The following PTPRK variants were observed in gnomAD, a reference collection of about 807,000 sequenced individuals.
The protein encoded by PTPRK is receptor-type tyrosine-protein phosphatase kappa.
In PTPRK, 75 loss-of-function variants were observed where a neutral mutation model predicts 178.0. The observed-to-expected ratio is 0.42, with a 90% CI of 0.35 to 0.51. The LOEUF (loss-of-function observed/expected upper bound fraction) is 0.51. Among genes scored for constraint, PTPRK ranks in the 20% least tolerant of loss-of-function variants. The pLI, the probability that PTPRK is intolerant of heterozygous loss-of-function variation, is 0.02. For missense variants in PTPRK, 1,441 were observed against 1,797.8 expected, an observed-to-expected ratio of 0.80 and a Z score of 3.59; for synonymous variants, 637 against 620.6, an observed-to-expected ratio of 1.03 and a Z score of -0.39.
chr6:128,177,821 T>C (rs898325159), intron 7 of PTPRK, among the ~76,000 whole-genome samples: 3 of 151,824 alleles, frequency 2.0e-5, no homozygotes, highest in African/African-American at 7.2e-5. Context: ...TATAAGTCAG[T>C]CTGTCTCTGT....
At chr6:128,006,165 A>G in intron 14 of PTPRK, 2 of 737,132 alleles carry the variant, frequency 2.7e-6, no homozygotes, top group South Asian at 6.1e-5. Context: ...ATAAAATAAA[A>G]TAAAATAAAA....
Position 128,184,421 on chromosome 6 carries a change from C to T in PTPRK, c.1162+11G>A. On this transcript the variant is annotated intron_variant, in intron 7 of 29. Coordinates refer to ENST00000368226, the MANE Select transcript of PTPRK (RefSeq NM_002844.4). ...TTCACAAGGTAGAAAAGGTCTGCTACTCAGTCTTACCTGCACATTTTGTTC... is the reference window on the plus strand; with the variant it reads ...TTCACAAGGTAGAAAAGGTCTGCTATTCAGTCTTACCTGCACATTTTGTTC... The T allele has an allele frequency of 6.2e-7, 1 of 1,611,342 alleles. No homozygotes were observed. Among genetic ancestry groups the T allele is most frequent in the Non-Finnish European group, 8.5e-7 (1 of 1,178,274 alleles).
chr6:128,468,025 C>G (rs976832168), intron 1 of PTPRK, among the ~76,000 whole-genome samples: 11 of 152,202 alleles, frequency 7.2e-5, no homozygotes, highest in African/African-American at 2.4e-4. Flanking sequence ...TAATTGATTT[C>G]TTGACTTGAG....
intron 6 of PTPRK, among the ~76,000 whole-genome samples, chr6:128,199,108 G>A (rs147518255): frequency 3.9e-5 from 6 of 152,140 alleles, no homozygotes; most frequent in African/African-American, 1.4e-4. Context: ...TAGCAATTCC[G>A]CTTTCAGGTA....
chr6:128,222,606 C>T (rs1810618966), intron 5 of PTPRK, among the ~76,000 whole-genome samples: 1 of 152,136 alleles, frequency 6.6e-6, no homozygotes, highest in African/African-American at 2.4e-5. Flanking sequence ...TCATAACAGC[C>T]CGTGCAATTC....
At chr6:128,452,749 G>C (rs188715312) in intron 1 of PTPRK, among the ~76,000 whole-genome samples, 1 of 152,248 alleles carries the variant, frequency 6.6e-6, no homozygotes, top group Admixed American at 6.5e-5. Context: ...TTCATATTGA[G>C]GTAATTAATT....
intron 13 of PTPRK, among the ~76,000 whole-genome samples, chr6:128,010,132 A>T (rs1225495322): frequency 6.6e-6 from 1 of 151,344 alleles, no homozygotes; most frequent in Non-Finnish European, 1.5e-5. Flanking sequence ...GCTTACAAAG[A>T]TAAGGATAGT....
intron 2 of PTPRK, among the ~76,000 whole-genome samples, chr6:128,359,956 A>G (rs888203507): frequency 6.6e-6 from 1 of 152,102 alleles, no homozygotes; most frequent in Admixed American, 6.6e-5. Context: ...AGCATTTTCC[A>G]CTGTATTAGT....
chr6:128,275,948 C>G (rs1303408825), intron 3 of PTPRK, among the ~76,000 whole-genome samples: 1 of 151,856 alleles, frequency 6.6e-6, no homozygotes, highest in African/African-American at 2.4e-5. Flanking sequence ...CCAACCATGC[C>G]TTTTAAATGG....
chr6:128,174,637 C>T (rs1800794108), intron 7 of PTPRK, among the ~76,000 whole-genome samples: 1 of 151,616 alleles, frequency 6.6e-6, no homozygotes, highest in Non-Finnish European at 1.5e-5. Flanking sequence ...TAGTACATGC[C>T]CAAATAGCTC....
intron 25 of PTPRK, among the ~76,000 whole-genome samples, chr6:127,980,200 C>T (rs1775139788): frequency 1.3e-5 from 2 of 152,202 alleles, no homozygotes; most frequent in Admixed American, 6.5e-5. Context: ...GTCCCAGCTA[C>T]TTGGGAGGCA....
At chr6:128,275,511 G>C (rs1461877065) in intron 3 of PTPRK, among the ~76,000 whole-genome samples, 2 of 152,002 alleles carry the variant, frequency 1.3e-5, no homozygotes, top group Non-Finnish European at 2.9e-5. Context: ...AAAGAAAAAA[G>C]AGCTAATCAA....
chr6:128,018,430 T>C (rs1234891338), intron 13 of PTPRK, among the ~76,000 whole-genome samples: 1 of 152,024 alleles, frequency 6.6e-6, no homozygotes, highest in African/African-American at 2.4e-5. Flanking sequence ...ATAGCATCAG[T>C]TGGTAAAGAG....
intron 1 of PTPRK, among the ~76,000 whole-genome samples, chr6:128,447,237 T>C (rs1480909820): frequency 6.6e-6 from 1 of 152,232 alleles, no homozygotes; most frequent in Admixed American, 6.5e-5. Context: ...CTACCTGACC[T>C]GTGAAATAAG....
intron 6 of PTPRK, among the ~76,000 whole-genome samples, chr6:128,206,968 A>G (rs1324520551): frequency 6.6e-6 from 1 of 152,166 alleles, no homozygotes; most frequent in African/African-American, 2.4e-5. Flanking sequence ...TAAATTTACA[A>G]TGTGAAGGAG....
At chr6:128,370,267 C>T (rs1836084582) in intron 2 of PTPRK, among the ~76,000 whole-genome samples, 1 of 152,072 alleles carries the variant, frequency 6.6e-6, no homozygotes, top group Admixed American at 6.6e-5. Flanking sequence ...CCAGGGCATC[C>T]CTGTTATTGA....
At chr6:128,377,996 A>G (rs1479973129) in intron 2 of PTPRK, among the ~76,000 whole-genome samples, 1 of 152,150 alleles carries the variant, frequency 6.6e-6, no homozygotes, top group Non-Finnish European at 1.5e-5. Flanking sequence ...GTCAAGAATT[A>G]TATTTCAGAA....
At chr6:128,342,455 G>A (rs1831797951) in intron 2 of PTPRK, among the ~76,000 whole-genome samples, 1 of 152,044 alleles carries the variant, frequency 6.6e-6, no homozygotes, top group African/African-American at 2.4e-5. Flanking sequence ...AATTATGAAT[G>A]GAGATGGTCA....
At chr6:128,431,155 C>G (rs958757741) in intron 1 of PTPRK, among the ~76,000 whole-genome samples, 1 of 151,968 alleles carries the variant, frequency 6.6e-6, no homozygotes, top group Non-Finnish European at 1.5e-5. Context: ...CCAGTCTGGT[C>G]TCTAACTCCA....
Sources: allele counts gnomAD v4.1 joint callset (sites outside exome capture counted in the v4.1 genomes callset), GRCh38; gene constraint gnomAD v4.1.1; transcripts MANE v1.5; gene names NCBI Gene and HGNC (gene_info 2026-07-23, HGNC 2026-07-21).